Variants in SDCCAG8 observed in about 807,000 individuals in gnomAD.
The protein encoded by SDCCAG8 is SHH signaling and ciliogenesis regulator SDCCAG8.
Under a neutral mutation model 101.8 loss-of-function variants are expected in SDCCAG8, and 74 were observed. The ratio of observed to expected loss-of-function variants is 0.73; its 90% CI spans 0.60 to 0.88. The LOEUF (loss-of-function observed/expected upper bound fraction) is 0.88, where lower values mean the gene tolerates loss of function less well. SDCCAG8 is among the 40% of genes least tolerant of loss of function. The pLI is 0.00. For synonymous variants in SDCCAG8, 281 were observed against 292.9 expected, an observed-to-expected ratio of 0.96 and a Z score of 0.41; for missense variants, 787 against 822.6, an observed-to-expected ratio of 0.96 and a Z score of 0.53.
At chr1:243,366,208 A>G (rs1395532481) in intron 12 of SDCCAG8, among the ~76,000 whole-genome samples, 3 of 152,024 alleles carry the variant, frequency 2.0e-5, no homozygotes, top group Non-Finnish European at 4.4e-5. Context: ...TTTTCAGTTC[A>G]TTTAAATTTA....
intron 16 of SDCCAG8, among the ~76,000 whole-genome samples, chr1:243,457,319 T>C (rs1023929817): frequency 1.3e-5 from 2 of 152,226 alleles, no homozygotes; most frequent in Admixed American, 1.3e-4. Context: ...AAATAATTCA[T>C]GTAAATGTCC....
At chr1:243,270,047 T>C in intron 1 of SDCCAG8, 58 bp from the exon 2 acceptor site, 6 of 1,613,080 alleles carry the variant, frequency 3.7e-6, no homozygotes, top group Non-Finnish European at 5.1e-6. Context: ...CCTGAGTAAG[T>C]GTCCGTTTGG....
chr1:243,385,513 T>C lies in SDCCAG8; in HGVS notation c.1616+6650T>C, dbSNP rs181777616. 1.1e-4 allele frequency among the ~76,000 whole-genome samples: 17 copies of C among 152,232 alleles called. No homozygotes were observed. The East Asian group carries it at 2.7e-3, about 24-fold the overall frequency. ...GGAGAGACAGATTACTTCTTACTGA[T>C]TTTGGTAGGATTTGGATATAGGAAA... On this transcript the variant is annotated intron_variant, in intron 13 of 17. Transcript: ENST00000366541.
chr1:243,257,670 C>T (rs932445851), intron 1 of SDCCAG8, among the ~76,000 whole-genome samples: 1 of 152,098 alleles, frequency 6.6e-6, no homozygotes, highest in Non-Finnish European at 1.5e-5. Flanking sequence ...TTACATCTGT[C>T]AATTGTGTTA....
rs753008205 is a variant in SDCCAG8 at position 243,308,196 on chromosome 1, G to T, written c.929+19G>T. On this transcript the variant is annotated intron_variant, in intron 8 of 17. Coordinates refer to ENST00000366541, the MANE Select transcript of SDCCAG8 (RefSeq NM_006642.5). ...TGGTTAAGTAAGTATGCTTCTACGC[G>T]CACGGAGACTTTGGCAATATGGAAA... 1.9e-6 allele frequency: 3 copies of T among 1,613,558 alleles called. No individual in the cohort carries two copies. Among genetic ancestry groups the T allele is most frequent in the Non-Finnish European group, 2.5e-6 (3 of 1,179,644 alleles).
intron 16 of SDCCAG8, among the ~76,000 whole-genome samples, chr1:243,457,345 C>T (rs1574150665): frequency 1.3e-5 from 2 of 152,134 alleles, no homozygotes; most frequent in South Asian, 2.1e-4. Context: ...GTTTAATCAT[C>T]GGTTTTAGAT....
intron 3 of SDCCAG8, among the ~76,000 whole-genome samples, 192 bp from the exon 4 acceptor site, chr1:243,274,351 T>G (rs376649592): frequency 3.3e-5 from 5 of 152,188 alleles, no homozygotes; most frequent in African/African-American, 7.2e-5. Flanking sequence ...ACTTGAGGTT[T>G]GTGGGGGACA....
At chr1:243,276,656 A>G (rs1203055064) in intron 4 of SDCCAG8, among the ~76,000 whole-genome samples, 2 of 152,144 alleles carry the variant, frequency 1.3e-5, no homozygotes, top group Non-Finnish European at 2.9e-5. Context: ...ATTATTATCT[A>G]AGTCTCTCAG....
chr1:243,496,109 G>A (rs1282369758), intron 17 of SDCCAG8, among the ~76,000 whole-genome samples: 1 of 152,222 alleles, frequency 6.6e-6, no homozygotes, highest in Non-Finnish European at 1.5e-5. Context: ...AGATCATTGT[G>A]GGCTTGAAAG....
intron 12 of SDCCAG8, among the ~76,000 whole-genome samples, chr1:243,372,186 C>T (rs1354958677): frequency 3.9e-5 from 6 of 152,036 alleles, no homozygotes; most frequent in Admixed American, 3.9e-4. Context: ...TGAATTCATC[C>T]ATTGGCTTCT....
At chr1:243,333,866 A>G (rs1273301098) in intron 10 of SDCCAG8, among the ~76,000 whole-genome samples, 1 of 152,232 alleles carries the variant, frequency 6.6e-6, no homozygotes, top group African/African-American at 2.4e-5. Flanking sequence ...GGAGTTTAGC[A>G]GGGAGCTAAA....
At chr1:243,363,301 T>G (rs2076821176) in intron 12 of SDCCAG8, among the ~76,000 whole-genome samples, 1 of 152,228 alleles carries the variant, frequency 6.6e-6, no homozygotes. Flanking sequence ...ATAAAAAAAT[T>G]ATTTTTATGC....
intron 6 of SDCCAG8, among the ~76,000 whole-genome samples, chr1:243,296,796 G>C (rs530852545): frequency 6.6e-6 from 1 of 151,438 alleles, no homozygotes; most frequent in African/African-American, 2.4e-5. Flanking sequence ...GCCTCCCAAA[G>C]TGCTGGGATT....
intron 12 of SDCCAG8, among the ~76,000 whole-genome samples, chr1:243,360,008 C>A (rs1672742592): frequency 1.3e-5 from 2 of 152,072 alleles, no homozygotes; most frequent in African/African-American, 4.8e-5. Context: ...TTTTAATTTT[C>A]ATTTCCCTAG....
intron 16 of SDCCAG8, among the ~76,000 whole-genome samples, chr1:243,486,491 A>G (rs995150956): frequency 3.3e-5 from 5 of 152,148 alleles, no homozygotes; most frequent in African/African-American, 1.2e-4. Context: ...AGTAATCGCT[A>G]TAGCCTTCCC....
chr1:243,498,502 C>T (rs1668614144), intron 17 of SDCCAG8, among the ~76,000 whole-genome samples: 1 of 152,130 alleles, frequency 6.6e-6, no homozygotes, highest in Non-Finnish European at 1.5e-5. Flanking sequence ...CAGCCTGAGG[C>T]CAGGCCCCCC....
chr1:243,370,728 C>G (rs1457565953), intron 12 of SDCCAG8, among the ~76,000 whole-genome samples: 1 of 152,018 alleles, frequency 6.6e-6, no homozygotes, highest in Non-Finnish European at 1.5e-5. Context: ...GCTACGTTAG[C>G]TCTGAGGAAG....
At chr1:243,375,875 C>T (rs2077570663) in intron 12 of SDCCAG8, among the ~76,000 whole-genome samples, 1 of 152,104 alleles carries the variant, frequency 6.6e-6, no homozygotes, top group Admixed American at 6.6e-5. Flanking sequence ...GGCAGATTTT[C>T]CTGACTCAGG....
At chr1:243,414,124 G>A (rs572483415) in intron 13 of SDCCAG8, among the ~76,000 whole-genome samples, 6 of 152,174 alleles carry the variant, frequency 3.9e-5, no homozygotes, top group South Asian at 2.1e-4. Flanking sequence ...TACTATCTTT[G>A]TACGATGTAC....
Sources: allele counts gnomAD v4.1 joint callset (sites outside exome capture counted in the v4.1 genomes callset), GRCh38; gene constraint gnomAD v4.1.1; transcripts MANE v1.5; gene names NCBI Gene and HGNC (gene_info 2026-07-23, HGNC 2026-07-21).